FARS2: variants seen among roughly 807,000 people sequenced by gnomAD.
FARS2 encodes phenylalanine--tRNA ligase, mitochondrial.
In FARS2, 40 loss-of-function variants were observed where a neutral mutation model predicts 46.4. That is an observed-to-expected ratio of 0.86 (90% CI 0.67 to 1.12). FARS2 has a LOEUF of 1.12. Ranked by LOEUF, FARS2 falls within the 50% of genes most tolerant of loss-of-function variation. The pLI is 0.00. For missense variants in FARS2, 513 were observed against 567.9 expected (o/e 0.90, Z 0.98); for synonymous variants, 234 against 214.9 (o/e 1.09, Z -0.78).
chr6:5,731,269 T>C (rs1319799005), intron 6 of FARS2, among the ~76,000 whole-genome samples: 1 of 152,112 alleles, frequency 6.6e-6, no homozygotes, highest in Non-Finnish European at 1.5e-5. Context: ...TGTTTTTCCT[T>C]CCTTCCTCTT....
intron 4 of FARS2, 26 bp downstream of exon 4, chr6:5,431,198 T>C (rs1763146142): frequency 1.2e-6 from 2 of 1,612,232 alleles, no homozygotes; most frequent in Non-Finnish European, 1.7e-6. Context: ...ACATTTTATT[T>C]ACACGTGCTC....
At chr6:5,609,872 C>T in intron 5 of FARS2, 1 of 990,562 alleles carries the variant, frequency 1.0e-6, no homozygotes, top group Non-Finnish European at 1.6e-6. Flanking sequence ...TTAATGCCAC[C>T]AACAAATGCC....
At chr6:5,383,876 C>G (rs1202972134) in intron 2 of FARS2, among the ~76,000 whole-genome samples, 2 of 151,834 alleles carry the variant, frequency 1.3e-5, no homozygotes, top group Middle Eastern at 3.2e-3. Context: ...TAGATGGGGC[C>G]TTTGTCCTGT....
Position 5,368,532 on chromosome 6 carries a change from C to T in FARS2, c.-21-18C>T. 6.4e-7 allele frequency: 1 copy of T among 1,565,760 alleles called. No homozygotes were observed. Among genetic ancestry groups the T allele is most frequent in the South Asian group, 1.2e-5 (1 of 82,394 alleles). On this transcript the variant is annotated intron_variant, in intron 1 of 6. Coordinates refer to ENST00000274680, the MANE Select transcript of FARS2 (RefSeq NM_006567.5). ...AGAGTGACACCTGACTTGTGCTTTG[C>T]CTGTGTGCTCTTTCCAGAACCTGTG...
chr6:5,282,970 C>T (rs1223030102), intron 1 of FARS2, among the ~76,000 whole-genome samples: 1 of 152,120 alleles, frequency 6.6e-6, no homozygotes, highest in African/African-American at 2.4e-5. Flanking sequence ...GGCACGGTGG[C>T]TTACACCTGT....
chr6:5,770,535 G>T (rs1374019615), intron 6 of FARS2, among the ~76,000 whole-genome samples: 2 of 152,184 alleles, frequency 1.3e-5, no homozygotes, highest in Non-Finnish European at 2.9e-5. Flanking sequence ...CAGCCACACA[G>T]CCAGTGAGAG....
intron 6 of FARS2, among the ~76,000 whole-genome samples, chr6:5,707,340 C>G (rs183510611): frequency 1.3e-5 from 2 of 152,310 alleles, no homozygotes; most frequent in Admixed American, 1.3e-4. Context: ...TAAAGTGGTA[C>G]CAGGGCCTTT....
intron 6 of FARS2, among the ~76,000 whole-genome samples, chr6:5,625,771 G>A (rs1490800930): frequency 1.3e-5 from 2 of 152,192 alleles, no homozygotes; most frequent in Non-Finnish European, 2.9e-5. Context: ...GGACTCTGCT[G>A]TTACAGCAGA....
rs370950868 is a variant in FARS2, at chr6:5,489,339, A to G, written c.905-55841A>G. ...CGTGATGGTGCACGCCTGTAGGCCC[A>G]GCTACTTGGGAGGCTGAGGAACTGG... On this transcript the variant is annotated intron_variant, in intron 4 of 6. Coordinates refer to ENST00000274680, the MANE Select transcript of FARS2 (RefSeq NM_006567.5). 4.6e-5 allele frequency among the ~76,000 whole-genome samples: 7 copies of G among 152,268 alleles called. No individual in the cohort carries two copies. In the South Asian group the frequency reaches 1.2e-3, roughly 27 times the overall value.
intron 6 of FARS2, among the ~76,000 whole-genome samples, chr6:5,730,325 A>G (rs1215831297): frequency 6.6e-6 from 1 of 152,198 alleles, no homozygotes; most frequent in Non-Finnish European, 1.5e-5. Context: ...ATAATTACTG[A>G]GCAAGCTGGA....
At chr6:5,601,109 A>G (rs746431080) in intron 5 of FARS2, among the ~76,000 whole-genome samples, 1 of 152,198 alleles carries the variant, frequency 6.6e-6, no homozygotes, top group African/African-American at 2.4e-5. Flanking sequence ...GCACCCAACC[A>G]TGCTGGCACC....
intron 1 of FARS2, among the ~76,000 whole-genome samples, chr6:5,282,552 A>G (rs1416627308): frequency 6.6e-6 from 1 of 152,054 alleles, no homozygotes; most frequent in Non-Finnish European, 1.5e-5. Context: ...AGTGGTAGGG[A>G]AAAAAAGAGC....
At chr6:5,387,307 G>T (rs1339241753) in intron 2 of FARS2, among the ~76,000 whole-genome samples, 1 of 152,184 alleles carries the variant, frequency 6.6e-6, no homozygotes, top group African/African-American at 2.4e-5. Flanking sequence ...AACACCTGCC[G>T]CCTGACCAGG....
At chr6:5,593,129 C>T (rs1774009022) in intron 5 of FARS2, among the ~76,000 whole-genome samples, 2 of 152,184 alleles carry the variant, frequency 1.3e-5, no homozygotes, top group African/African-American at 4.8e-5. Flanking sequence ...GCTTCTGGTT[C>T]ATTAGCAGCA....
At chr6:5,668,698 T>TG (rs1158339926) in intron 6 of FARS2, among the ~76,000 whole-genome samples, 1 of 143,986 alleles carries the variant, frequency 6.9e-6, no homozygotes, top group African/African-American at 2.6e-5. Context: ...TTTTTTTTTT[T>TG]TTTTTTTTTT....
At chr6:5,546,413 G>GA (rs982011272) in intron 5 of FARS2, among the ~76,000 whole-genome samples, 2 of 151,234 alleles carry the variant, frequency 1.3e-5, no homozygotes, top group Middle Eastern at 3.2e-3. Flanking sequence ...ACTACGCCCA[G>GA]CTAATTTTGT....
At chr6:5,341,206 TATATATATATATATATATATATATATA>T (rs1207841925) in intron 1 of FARS2, among the ~76,000 whole-genome samples, 1,000 of 7,978 alleles carry the variant, frequency 0.13, 59 homozygotes, top group Non-Finnish European at 0.23. Context: ...TATATATATA[TATATATATATATATATATATATATATA>T]TATTTTTTTT....
intron 6 of FARS2, among the ~76,000 whole-genome samples, chr6:5,719,013 C>T (rs1000690623): frequency 3.9e-5 from 6 of 152,148 alleles, no homozygotes; most frequent in South Asian, 2.1e-4. Context: ...AATCACAATT[C>T]GTATCATAGT....
intron 6 of FARS2, among the ~76,000 whole-genome samples, chr6:5,645,695 C>T: frequency 6.6e-6 from 1 of 152,184 alleles, no homozygotes; most frequent in East Asian, 1.9e-4. Context: ...AGCTTGGGTC[C>T]AGTCGAATCC....
Sources: allele counts gnomAD v4.1 joint callset (sites outside exome capture counted in the v4.1 genomes callset), GRCh38; gene constraint gnomAD v4.1.1; transcripts MANE v1.5; gene names NCBI Gene and HGNC (gene_info 2026-07-23, HGNC 2026-07-21).